The following SEMA3A variants were observed in gnomAD, a reference collection of about 807,000 sequenced individuals.
SEMA3A encodes the protein semaphorin-3A.
Under a neutral mutation model 97.9 loss-of-function variants are expected in SEMA3A, and 29 were observed. The observed-to-expected ratio is 0.30, with a 90% CI of 0.22 to 0.40. SEMA3A has a LOEUF of 0.40. SEMA3A is among the 10% of genes least tolerant of loss of function. The probability of loss-of-function intolerance (pLI) is 1.00; values close to 1 mark genes in which losing one functional copy is unlikely to be tolerated. For missense variants in SEMA3A, 763 were observed against 951.3 expected, an observed-to-expected ratio of 0.80 and a Z score of 2.60; for synonymous variants, 321 against 323.7, an observed-to-expected ratio of 0.99 and a Z score of 0.09.
Position 84,194,705 on chromosome 7 carries a change from T to C in SEMA3A, c.-119A>G. 3.1e-6 allele frequency: 2 copies of C among 651,820 alleles called. No homozygotes were observed. Among genetic ancestry groups the C allele is most frequent in the African/African-American group, 1.9e-5 (1 of 53,872 alleles). 40.4% of individuals were successfully genotyped at this position (651,820 alleles called of 1,614,324 possible). A position where few individuals can be genotyped will look rare whatever the true frequency, so the allele number is the denominator to read the frequency against. On this transcript the variant is annotated 5_prime_UTR_variant, in exon 1 of 17. The change abolishes an upstream ATG in the 5' untranslated region. Transcript: ENST00000265362. ...AGGTGATTTAGGTCAGTTTCATTCA[T>C]AAATGCAGACAATCAAGACCTCATG...
intron 6 of SEMA3A, among the ~76,000 whole-genome samples, chr7:84,028,975 T>C (rs150232503): frequency 6.6e-6 from 1 of 152,264 alleles, no homozygotes; most frequent in Non-Finnish European, 1.5e-5. Flanking sequence ...TGCATTTCTA[T>C]ATTATTGATT....
At chr7:84,192,424 C>A (rs1044459311) in intron 1 of SEMA3A, among the ~76,000 whole-genome samples, 3 of 151,852 alleles carry the variant, frequency 2.0e-5, no homozygotes, top group African/African-American at 7.2e-5. Flanking sequence ...TTATTAAGCT[C>A]TAGGTGTATC....
At chr7:84,215,327 A>G (rs1798723604) in intron 3 of SEMA3A, among the ~76,000 whole-genome samples, 1 of 151,182 alleles carries the variant, frequency 6.6e-6, no homozygotes, top group Non-Finnish European at 1.5e-5. Context: ...CTGGAATTAT[A>G]GGCACCTGCT....
intron 3 of SEMA3A, among the ~76,000 whole-genome samples, chr7:84,295,806 T>C (rs2115802926): frequency 6.6e-6 from 1 of 152,260 alleles, no homozygotes; most frequent in East Asian, 1.9e-4. Flanking sequence ...ACTTTCATTA[T>C]GATTCCGAAA....
intron 5 of SEMA3A, among the ~76,000 whole-genome samples, chr7:84,050,098 T>A (rs1321564343): frequency 1.3e-5 from 2 of 151,608 alleles, no homozygotes; most frequent in African/African-American, 4.8e-5. Flanking sequence ...CCACATTTTC[T>A]TAATCCAGTC....
At position 84,194,648 on chromosome 7, in the gene SEMA3A, G is replaced by T; in HGVS notation, c.-62C>A. On this transcript the variant is annotated 5_prime_UTR_variant, in exon 1 of 17. Transcript: ENST00000265362. ...TTCCTTCCTGTATTGTGCGGCCAGA[G>T]AAGTTCAAACAATCTGGAAACTGGA... 1 of 1,063,702 alleles carries T rather than the reference G, an allele frequency of 9.4e-7. No homozygotes were observed. Among genetic ancestry groups the T allele is most frequent in the Non-Finnish European group, 1.4e-6 (1 of 692,028 alleles). 65.9% of individuals were successfully genotyped at this position (1,063,702 alleles called of 1,614,324 possible). A position where few individuals can be genotyped will look rare whatever the true frequency, so the allele number is the denominator to read the frequency against.
intron 3 of SEMA3A, among the ~76,000 whole-genome samples, chr7:84,231,196 A>G (rs2116356693): frequency 1.3e-5 from 2 of 151,950 alleles, no homozygotes; most frequent in East Asian, 3.9e-4. Context: ...TCATTTACAC[A>G]TGGGTTTAAA....
chr7:84,129,073 T>C lies in SEMA3A; in HGVS notation c.333+50A>G, dbSNP rs199745945. 94 of 1,408,596 alleles carry C rather than the reference T, an allele frequency of 6.7e-5. 1 individual carries two copies. The African/African-American group carries it at 1.2e-3, about 18-fold the overall frequency. 87.3% of individuals were successfully genotyped at this position (1,408,596 alleles called of 1,614,324 possible). ...TGAAACACTTTTGTCCCAAGCATTT[T>C]GAATGAAGGATACTCAACCTGTATA... On this transcript the variant is annotated intron_variant, in intron 3 of 16. Coordinates refer to ENST00000265362, the MANE Select transcript of SEMA3A (RefSeq NM_006080.3).
intron 3 of SEMA3A, among the ~76,000 whole-genome samples, chr7:84,276,272 C>T (rs1314831374): frequency 6.6e-6 from 1 of 152,036 alleles, no homozygotes; most frequent in East Asian, 1.9e-4. Flanking sequence ...AACATACGAG[C>T]TCTAATTCTT....
rs1157547070 is a variant in SEMA3A at position 84,060,462 on chromosome 7, C to A, written c.547+3G>T. 3 of 1,565,876 alleles carry A rather than the reference C, an allele frequency of 1.9e-6. No homozygotes were observed. The highest frequency in any genetic ancestry group is 2.6e-6 in the Non-Finnish European group (3 of 1,157,106). On this transcript the variant is annotated splice_donor_region_variant and intron_variant, in intron 5 of 16. Transcript: ENST00000265362. The stretch of plus-strand genomic sequence containing the variant: ...ACTATTTAATTGATTGTTGACTACG[C>A]ACCTATTAAAAGGGATGCTGTCAGC...
intron 3 of SEMA3A, among the ~76,000 whole-genome samples, chr7:84,114,707 G>A (rs534679927): frequency 1.3e-5 from 2 of 152,118 alleles, no homozygotes; most frequent in East Asian, 3.9e-4. Context: ...GATTGTTCCT[G>A]TCACTCACTT....
chr7:84,049,724 A>C (rs1042524090), intron 5 of SEMA3A, among the ~76,000 whole-genome samples: 8 of 151,086 alleles, frequency 5.3e-5, no homozygotes, highest in African/African-American at 1.9e-4. Flanking sequence ...TTTTAAAATT[A>C]TTATTATACT....
At chr7:84,204,063 T>C (rs146066534) in intron 3 of SEMA3A, among the ~76,000 whole-genome samples, 4 of 152,302 alleles carry the variant, frequency 2.6e-5, no homozygotes, top group Admixed American at 1.3e-4. Context: ...AGATTTACTA[T>C]AGCCGGCGGA....
intron 3 of SEMA3A, among the ~76,000 whole-genome samples, chr7:84,113,101 T>C (rs1795322596): frequency 6.6e-6 from 1 of 152,206 alleles, no homozygotes; most frequent in African/African-American, 2.4e-5. Flanking sequence ...GGAGAGAAAT[T>C]TCTTGGGCTT....
intron 2 of SEMA3A, among the ~76,000 whole-genome samples, chr7:84,328,497 A>G (rs1214985788): frequency 2.0e-5 from 3 of 152,002 alleles, no homozygotes; most frequent in Admixed American, 6.6e-5. Flanking sequence ...TTCTTATATG[A>G]GAAAAATATC....
At chr7:84,216,131 C>T (rs1258833471) in intron 3 of SEMA3A, among the ~76,000 whole-genome samples, 5 of 152,108 alleles carry the variant, frequency 3.3e-5, no homozygotes, top group Non-Finnish European at 5.9e-5. Context: ...TGCAGTGGCA[C>T]GATCTCAGCT....
chr7:84,458,674 A>G (rs1462474403), intron 1 of SEMA3A, among the ~76,000 whole-genome samples: 2 of 151,916 alleles, frequency 1.3e-5, no homozygotes, highest in Admixed American at 1.3e-4. Context: ...AGAAATCATT[A>G]TTGCTTATTG....
intron 5 of SEMA3A, among the ~76,000 whole-genome samples, chr7:84,058,351 T>C (rs1266919060): frequency 2.0e-5 from 3 of 152,188 alleles, no homozygotes; most frequent in Admixed American, 1.3e-4. Flanking sequence ...TAAAAGAGTT[T>C]GGGAAGTGCT....
intron 2 of SEMA3A, among the ~76,000 whole-genome samples, chr7:84,337,803 G>C (rs772612602): frequency 6.6e-6 from 1 of 152,016 alleles, no homozygotes; most frequent in Non-Finnish European, 1.5e-5. Context: ...TGTTCGTCTT[G>C]ATCTACATGT....
Sources: allele counts gnomAD v4.1 joint callset (sites outside exome capture counted in the v4.1 genomes callset), GRCh38; gene constraint gnomAD v4.1.1; transcripts MANE v1.5; gene names NCBI Gene and HGNC (gene_info 2026-07-23, HGNC 2026-07-21).